GPD2: variants seen among roughly 807,000 people sequenced by gnomAD.
The protein encoded by GPD2 is glycerol-3-phosphate dehydrogenase, mitochondrial.
Under a neutral mutation model 82.4 loss-of-function variants are expected in GPD2, and 54 were observed. The ratio of observed to expected loss-of-function variants is 0.66; its 90% CI spans 0.53 to 0.82. The LOEUF (loss-of-function observed/expected upper bound fraction) is 0.82. Among genes scored for constraint, GPD2 ranks in the 40% least tolerant of loss-of-function variants. The pLI is 0.00. For missense variants in GPD2, 748 were observed against 896.2 expected, an observed-to-expected ratio of 0.83 and a Z score of 2.11; for synonymous variants, 288 against 306.1, an observed-to-expected ratio of 0.94 and a Z score of 0.62.
At chr2:156,493,936 G>GTA (rs1312971066) in intron 2 of GPD2, among the ~76,000 whole-genome samples, 1 of 69,658 alleles carries the variant, frequency 1.4e-5, no homozygotes, top group Admixed American at 1.9e-4. Flanking sequence ...ATGTGTGTGT[G>GTA]TGTGTGTGTG....
rs1210011346 is a variant in GPD2, at chr2:156,583,252, T to C, written c.*334T>C. ...TTCTAAATGAGTTCTAAAAACATAATATTTTGGCAAAAATTGAAAAAAGCT... is the reference window on the plus strand; with the variant it reads ...TTCTAAATGAGTTCTAAAAACATAACATTTTGGCAAAAATTGAAAAAAGCT... On this transcript the variant is annotated 3_prime_UTR_variant, in exon 17 of 17. Transcript: ENST00000438166. 1.3e-5 allele frequency: 4 copies of C among 318,144 alleles called. No individual in the cohort carries two copies. The Admixed American group carries it at 1.7e-4, about 14-fold the overall frequency. 19.7% of individuals were successfully genotyped at this position (318,144 alleles called of 1,614,324 possible).
At chr2:156,519,726 G>T (rs759489809) in intron 6 of GPD2, among the ~76,000 whole-genome samples, 2 of 152,244 alleles carry the variant, frequency 1.3e-5, no homozygotes, top group African/African-American at 4.8e-5. Flanking sequence ...TGCGACAGGG[G>T]TGTGGCTCGA....
chr2:156,421,691 T>A, the GPD2 span, among the ~76,000 whole-genome samples: 16 of 152,226 alleles, frequency 1.1e-4, no homozygotes, highest in Non-Finnish European at 1.5e-4. Flanking sequence ...TAGAGTATGA[T>A]GTAAGATCAA....
intron 2 of GPD2, among the ~76,000 whole-genome samples, chr2:156,484,743 G>C (rs1683873192): frequency 6.6e-6 from 1 of 152,160 alleles, no homozygotes; most frequent in Admixed American, 6.5e-5. Context: ...AGGAGGCTGA[G>C]ACAGGAGAAT....
chr2:156,484,384 G>A (rs1478522860), intron 2 of GPD2, among the ~76,000 whole-genome samples: 1 of 151,990 alleles, frequency 6.6e-6, no homozygotes, highest in Non-Finnish European at 1.5e-5. Flanking sequence ...TGATCCGCCC[G>A]CCTCGGCCTC....
chr2:156,549,900 C>T (rs1480204720), intron 7 of GPD2, 128 bp downstream of exon 7: 23 of 806,400 alleles, frequency 2.9e-5, no homozygotes, highest in South Asian at 6.1e-5. Flanking sequence ...TAATTATATT[C>T]GTTATTGTCA....
chr2:156,561,476 C>T (rs1687176309), intron 9 of GPD2, among the ~76,000 whole-genome samples: 1 of 152,060 alleles, frequency 6.6e-6, no homozygotes, highest in Non-Finnish European at 1.5e-5. Flanking sequence ...TGATGGGATA[C>T]TATGTGCACT....
upstream of GPD2, among the ~76,000 whole-genome samples, chr2:156,432,797 G>C (rs1290659320): frequency 6.6e-6 from 1 of 152,184 alleles, no homozygotes; most frequent in Non-Finnish European, 1.5e-5. Context: ...GGGAACTATA[G>C]AGCAGAGGTG....
the GPD2 span, among the ~76,000 whole-genome samples, chr2:156,414,921 T>C: frequency 6.6e-6 from 1 of 152,120 alleles, no homozygotes; most frequent in Admixed American, 6.6e-5. Context: ...AATATCTAAC[T>C]AGATTCAGAA....
At chr2:156,574,079 T>C (rs1289005929) in intron 13 of GPD2, among the ~76,000 whole-genome samples, 1 of 152,146 alleles carries the variant, frequency 6.6e-6, no homozygotes, top group Admixed American at 6.6e-5. Context: ...ATGCATAGTT[T>C]CCAAAATTTG....
At chr2:156,511,254 A>G (rs1169365012) in intron 4 of GPD2, among the ~76,000 whole-genome samples, 3 of 152,214 alleles carry the variant, frequency 2.0e-5, no homozygotes, top group African/African-American at 7.2e-5. Flanking sequence ...CAGGGGAGCT[A>G]TGTTGTAATG....
At position 156,541,824 on chromosome 2, in the gene GPD2, G is replaced by GTTTTTTTTTTTTT. The variant is rs61067726; in HGVS notation, c.662-7774_662-7762dup. Among the ~76,000 whole-genome samples, 9 of 81,466 alleles carry GTTTTTTTTTTTTT rather than the reference G, an allele frequency of 1.1e-4. 1 individual carries two copies. The highest frequency in any genetic ancestry group is 1.7e-4 in the Non-Finnish European group (8 of 46,266). 53.4% of individuals were successfully genotyped at this position (81,466 alleles called of 152,430 possible). A position where few individuals can be genotyped will look rare whatever the true frequency, so the allele number is the denominator to read the frequency against. ...TCCTTAAACGTATAAAATGCTGTTT[G>GTTTTTTTTTTTTT]TTTTTTTTTTTTTTTTTTTTTTGGC... On this transcript the variant is annotated intron_variant, in intron 6 of 16. Coordinates refer to ENST00000438166, the MANE Select transcript of GPD2 (RefSeq NM_000408.5).
At chr2:156,561,040 CTTT>C (rs35948070) in intron 9 of GPD2, among the ~76,000 whole-genome samples, 17 of 27,630 alleles carry the variant, frequency 6.2e-4, no homozygotes, top group Admixed American at 3.1e-3. Context: ...TGACATTAAG[CTTT>C]TTTTTTTTTT....
At position 156,511,025 on chromosome 2, in the gene GPD2, G is replaced by A. The variant is rs1264236481; in HGVS notation, c.399+105G>A. On this transcript the variant is annotated intron_variant, in intron 4 of 16. Transcript: ENST00000438166. ...TAATGGCTTAAAAGCATTTCTTCCTGTTGGAAATACCTATTTAGTGTATTC... is the reference window on the plus strand; with the variant it reads ...TAATGGCTTAAAAGCATTTCTTCCTATTGGAAATACCTATTTAGTGTATTC... 4 of 950,238 alleles carry A rather than the reference G, an allele frequency of 4.2e-6. No individual in the cohort carries two copies. The African/African-American group carries it at 6.4e-5, about 15-fold the overall frequency. The allele number at this position is 950,238 out of a possible 1,614,324, so 58.9% of individuals were successfully genotyped here. A position where few individuals can be genotyped will look rare whatever the true frequency, so the allele number is the denominator to read the frequency against.
chr2:156,569,138 G>A (rs1460194754), intron 10 of GPD2, among the ~76,000 whole-genome samples, 179 bp downstream of exon 10: 1 of 151,598 alleles, frequency 6.6e-6, no homozygotes, highest in Non-Finnish European at 1.5e-5. Flanking sequence ...CTTCTGTCTT[G>A]TAATTTGGAT....
chr2:156,510,110 C>G (rs759167489), intron 3 of GPD2, among the ~76,000 whole-genome samples: 1 of 152,152 alleles, frequency 6.6e-6, no homozygotes, highest in Non-Finnish European at 1.5e-5. Flanking sequence ...CATGGTTACT[C>G]TGCACAGTGT....
the GPD2 span, among the ~76,000 whole-genome samples, chr2:156,402,286 G>A: frequency 1.3e-5 from 2 of 152,140 alleles, no homozygotes; most frequent in Non-Finnish European, 2.9e-5. Context: ...ATCATAAAAG[G>A]CTACTGAAAT....
chr2:156,419,465 T>C, the GPD2 span, among the ~76,000 whole-genome samples: 1 of 152,270 alleles, frequency 6.6e-6, no homozygotes, highest in Non-Finnish European at 1.5e-5. Flanking sequence ...GGAGAAAAGC[T>C]TCAACATTCC....
At chr2:156,581,181 T>C (rs910094157) in intron 16 of GPD2, among the ~76,000 whole-genome samples, 1 of 152,086 alleles carries the variant, frequency 6.6e-6, no homozygotes, top group Non-Finnish European at 1.5e-5. Flanking sequence ...TTTAAATAAT[T>C]GAGTATTTTT....
Sources: allele counts gnomAD v4.1 joint callset (sites outside exome capture counted in the v4.1 genomes callset), GRCh38; gene constraint gnomAD v4.1.1; transcripts MANE v1.5; gene names NCBI Gene and HGNC (gene_info 2026-07-23, HGNC 2026-07-21).